The following KIF16B variants were observed in gnomAD, a reference collection of about 807,000 sequenced individuals.
KIF16B encodes kinesin family member 16B, also known as kinesin-like protein KIF16B.
In KIF16B, 98 loss-of-function variants were observed where a neutral mutation model predicts 156.3. That is an observed-to-expected ratio of 0.63 (90% CI 0.53 to 0.74). The LOEUF (loss-of-function observed/expected upper bound fraction) is 0.74, where lower values mean the gene tolerates loss of function less well. Among genes scored for constraint, KIF16B ranks in the 30% least tolerant of loss-of-function variants. The pLI, the probability that KIF16B is intolerant of heterozygous loss-of-function variation, is 0.00. For missense variants in KIF16B, 1,421 were observed against 1,606.5 expected (o/e 0.88, Z 1.97); for synonymous variants, 564 against 583.7 (o/e 0.97, Z 0.49).
At chr20:16,462,213 C>T (rs1335599933) in intron 12 of KIF16B, among the ~76,000 whole-genome samples, 1 of 151,236 alleles carries the variant, frequency 6.6e-6, no homozygotes, top group Non-Finnish European at 1.5e-5. Context: ...TGCACTCCAG[C>T]CTGGGCGGCA....
chr20:16,367,337 G>C, intron 22 of KIF16B: 1 of 1,612,898 alleles, frequency 6.2e-7, no homozygotes, highest in Non-Finnish European at 8.5e-7. Flanking sequence ...TTGAGTTTCT[G>C]TAAGAAGACT....
chr20:16,538,845 G>T (rs1217390386), intron 1 of KIF16B, among the ~76,000 whole-genome samples: 1 of 152,156 alleles, frequency 6.6e-6, no homozygotes, highest in Non-Finnish European at 1.5e-5. Flanking sequence ...GCACCATCCT[G>T]TTGGTGTTGT....
intron 1 of KIF16B, among the ~76,000 whole-genome samples, chr20:16,537,445 G>C (rs992430636): frequency 6.6e-6 from 1 of 152,074 alleles, no homozygotes; most frequent in Non-Finnish European, 1.5e-5. Context: ...GACTCTGCCT[G>C]TCTGGGTTTA....
chr20:16,517,968 C>G (rs761073982), intron 3 of KIF16B, among the ~76,000 whole-genome samples: 1 of 152,108 alleles, frequency 6.6e-6, no homozygotes, highest in Non-Finnish European at 1.5e-5. Flanking sequence ...TAAAATTATT[C>G]CCTAGGGTTA....
chr20:16,446,730 A>G (rs2066941157), intron 12 of KIF16B, among the ~76,000 whole-genome samples: 1 of 152,228 alleles, frequency 6.6e-6, no homozygotes, highest in Non-Finnish European at 1.5e-5. Flanking sequence ...GAAAATGCTG[A>G]TCTAATCATA....
intron 25 of KIF16B, among the ~76,000 whole-genome samples, chr20:16,303,928 C>T (rs1005503576): frequency 2.6e-5 from 4 of 151,984 alleles, no homozygotes; most frequent in African/African-American, 7.2e-5. Context: ...ATGTTTTGGC[C>T]GACTAAAAAC....
intron 23 of KIF16B, among the ~76,000 whole-genome samples, chr20:16,349,198 T>G (rs572033917): frequency 6.6e-6 from 1 of 152,190 alleles, no homozygotes; most frequent in Non-Finnish European, 1.5e-5. Context: ...AAGGCTGAGA[T>G]GACAGAGAGG....
chr20:16,519,463 CA>C (rs1194602867), intron 3 of KIF16B, among the ~76,000 whole-genome samples: 4 of 152,202 alleles, frequency 2.6e-5, no homozygotes, highest in Non-Finnish European at 5.9e-5. Flanking sequence ...ATAGTCGCTC[CA>C]GTCCTCCAAC....
At chr20:16,330,580 G>A (rs56777466) in intron 24 of KIF16B, among the ~76,000 whole-genome samples, 18,334 of 152,220 alleles carry the variant, frequency 0.12, 1,437 homozygotes, top group East Asian at 0.32. Flanking sequence ...AGTCACAACA[G>A]CAATAATTGG....
chr20:16,496,926 C>T lies in KIF16B; in HGVS notation c.1242+687G>A, dbSNP rs1249160154. ...AAGCTTTTACAAACAGAATCCAATT[C>T]TTTTTCAATCTGTCTTAGCCATTCA... is the stretch of plus-strand genomic sequence containing the variant. On this transcript the variant is annotated intron_variant, in intron 11 of 25. Transcript: ENST00000354981. Among the ~76,000 whole-genome samples the T allele has an allele frequency of 3.9e-5, 6 of 152,108 alleles. No individual in the cohort carries two copies. In the South Asian group the frequency reaches 1.0e-3, roughly 26 times the overall value.
At chr20:16,366,864 C>T in intron 22 of KIF16B, 1 of 1,134,744 alleles carries the variant, frequency 8.8e-7, no homozygotes, top group Non-Finnish European at 1.1e-6. Context: ...ATGCTTTAAT[C>T]ACCTCACAAA....
At chr20:16,530,810 T>C (rs556167450) in intron 1 of KIF16B, among the ~76,000 whole-genome samples, 43 of 152,198 alleles carry the variant, frequency 2.8e-4, no homozygotes, top group Middle Eastern at 3.4e-3. Context: ...CAAGCGATTA[T>C]CCTGCCATAG....
At chr20:16,410,054 CATATATATATATGTAGGTACAT>C (rs199833908) in intron 15 of KIF16B, among the ~76,000 whole-genome samples, 13 of 29,830 alleles carry the variant, frequency 4.4e-4, no homozygotes, top group African/African-American at 9.4e-4. Context: ...TATGTTGGTA[CATATATATATATGTAGGTACAT>C]ATATATATAT....
At chr20:16,353,685 G>A (rs1183191905) in intron 23 of KIF16B, among the ~76,000 whole-genome samples, 1 of 152,172 alleles carries the variant, frequency 6.6e-6, no homozygotes, top group African/African-American at 2.4e-5. Flanking sequence ...GGGGCAGGGG[G>A]AGGGTATGCT....
chr20:16,519,364 T>G (rs2069252581), intron 3 of KIF16B, among the ~76,000 whole-genome samples: 1 of 152,154 alleles, frequency 6.6e-6, no homozygotes, highest in African/African-American at 2.4e-5. Flanking sequence ...TCCTCCCACC[T>G]CAGCTCCCCA....
intron 24 of KIF16B, among the ~76,000 whole-genome samples, chr20:16,317,552 C>A (rs565088618): frequency 1.3e-5 from 2 of 152,332 alleles, no homozygotes; most frequent in African/African-American, 4.8e-5. Flanking sequence ...AGCGTGACTG[C>A]ACCAAAAATA....
intron 1 of KIF16B, among the ~76,000 whole-genome samples, chr20:16,549,986 A>C (rs2070575907): frequency 1.2e-5 from 1 of 80,434 alleles, no homozygotes; most frequent in Non-Finnish European, 2.3e-5. Flanking sequence ...CAAAAGACAA[A>C]ATTGACAAAT....
chr20:16,489,166 CT>C (rs1310935617), intron 12 of KIF16B, among the ~76,000 whole-genome samples: 3 of 152,128 alleles, frequency 2.0e-5, no homozygotes, highest in Admixed American at 1.3e-4. Flanking sequence ...GCTATGTCAC[CT>C]GGCAGAACTG....
chr20:16,378,505 A>C (rs1294744802), intron 19 of KIF16B, among the ~76,000 whole-genome samples: 2 of 152,152 alleles, frequency 1.3e-5, no homozygotes, highest in Admixed American at 6.5e-5. Flanking sequence ...CATTTATCAA[A>C]ATATTAAAAC....
Sources: gnomAD v4.1 joint callset for allele counts (sites outside exome capture counted in the v4.1 genomes callset) on GRCh38, gnomAD v4.1.1 for gene constraint, MANE v1.5 for transcripts, NCBI Gene and HGNC (gene_info 2026-07-23, HGNC 2026-07-21) for gene names.